DHX32: variants seen among roughly 807,000 people sequenced by gnomAD.
DHX32 encodes DEAH-box helicase 32 (putative).
In DHX32, 51 loss-of-function variants were observed where a neutral mutation model predicts 70.0. The observed-to-expected ratio is 0.73, with a 90% CI of 0.58 to 0.92. The LOEUF (loss-of-function observed/expected upper bound fraction) is 0.92, where lower values mean the gene tolerates loss of function less well. Among genes scored for constraint, DHX32 ranks in the 40% least tolerant of loss-of-function variants. DHX32 has a pLI of 0.00. For missense variants in DHX32, 762 were observed against 891.8 expected, an observed-to-expected ratio of 0.85 and a Z score of 1.85; for synonymous variants, 310 against 315.3, an observed-to-expected ratio of 0.98 and a Z score of 0.18.
At position 125,838,200 on chromosome 10, in the gene DHX32, A is replaced by G. The variant is rs369993092; in HGVS notation, c.2063+6T>C. 8.3e-6 allele frequency: 13 copies of G among 1,574,720 alleles called. No homozygotes were observed. The highest frequency in any genetic ancestry group is 6.0e-6 in the Non-Finnish European group (7 of 1,167,302). On this transcript the variant is annotated splice_donor_region_variant and intron_variant, in intron 10 of 10. Coordinates refer to ENST00000284690, the MANE Select transcript of DHX32 (RefSeq NM_018180.3). ...AATACAACCCTTTCTTCTCCATTAA[A>G]CTTACAGTTCAGGAGAGATTTCTGA...
intron 6 of DHX32, among the ~76,000 whole-genome samples, chr10:125,848,116 A>G (rs756797268): frequency 6.6e-6 from 1 of 152,174 alleles, no homozygotes; most frequent in Admixed American, 6.5e-5. Context: ...TTTCTGATTT[A>G]TTTTAGGGTT....
upstream of DHX32, among the ~76,000 whole-genome samples, chr10:125,881,787 G>A (rs1379115703): frequency 6.6e-6 from 1 of 152,110 alleles, no homozygotes; most frequent in Non-Finnish European, 1.5e-5. Flanking sequence ...GACTACAGGT[G>A]TACACCACTA....
chr10:125,838,486 G>A (rs1042447337), intron 9 of DHX32, 99 bp from the exon 10 acceptor site: 62 of 1,165,166 alleles, frequency 5.3e-5, no homozygotes, highest in Non-Finnish European at 6.9e-5. Context: ...TTTTATACGG[G>A]ATAGTTAAAA....
rs761387659 is a variant in DHX32 at position 125,836,766 on chromosome 10, G to A, written c.2153C>T (p.Ser718Phe). Reference protein sequence around the residue: ...DILQQVVDHLSPVSTMNKEQQ... With the variant: ...DILQQVVDHLFPVSTMNKEQQ... ...TTCCTTATTCATTGTTGACACAGGG[G>A]ATAGGTGATCCACTACTTGCTGTAG... Residue 718 changes from serine (S) to phenylalanine (F), a missense_variant, in exon 11 of 11, where the codon TCC becomes TTC. By Grantham distance (155) the Ser-to-Phe change is radical. Transcript: ENST00000284690. The A allele has an allele frequency of 7.4e-6, 12 of 1,614,148 alleles. No homozygotes were observed. Among genetic ancestry groups the A allele is most frequent in the Non-Finnish European group, 1.0e-5 (12 of 1,180,016 alleles).
chr10:125,878,901 G>C (rs1001373513), intron 1 of DHX32, among the ~76,000 whole-genome samples: 4 of 148,934 alleles, frequency 2.7e-5, no homozygotes, highest in African/African-American at 9.9e-5. Flanking sequence ...GTAGAGTCAG[G>C]GTTTCACCAT....
chr10:125,854,015 C>A lies in DHX32; in HGVS notation c.1038G>T (p.Leu346Phe). 3 of 1,614,054 alleles carry A rather than the reference C, an allele frequency of 1.9e-6. No homozygotes were observed. Among genetic ancestry groups the A allele is most frequent in the Non-Finnish European group, 2.5e-6 (3 of 1,179,992 alleles). Residue 346 changes from leucine (L) to phenylalanine (F), a missense_variant, in exon 4 of 11, where the codon TTG (leucine) becomes TTT (phenylalanine). Around this residue, in one of 3 missense-constraint regions of DHX32, gnomAD observed 394 missense variants for 473.1 expected, o/e 0.83. Transcript: ENST00000284690. ...CAAATCTGACTGAGTTGCTCCAGAT[C>A]AAAAACTCTCCAGAGCTAGTAGTTA... The part of the protein sequence containing the change: ...VVLTTSSGEF[L>F]IWSNSVRFVI...
At position 125,859,646 on chromosome 10, in the gene DHX32, G is replaced by A. The variant is rs201005566; in HGVS notation, c.806C>T (p.Ser269Leu). 524 of 1,608,410 alleles carry A rather than the reference G, an allele frequency of 3.3e-4. No individual in the cohort carries two copies. Among genetic ancestry groups the A allele is most frequent in the Non-Finnish European group, 4.3e-4 (507 of 1,177,846 alleles). Residue 269 changes from serine (S) to leucine (L), a missense_variant, in exon 3 of 11, where the codon TCG (serine) becomes TTG (leucine). Physicochemically the swap from Ser to Leu is moderately radical, Grantham distance 145. Around this residue, in one of 3 missense-constraint regions of DHX32, gnomAD observed 394 missense variants for 473.1 expected, o/e 0.83. Coordinates refer to ENST00000284690, the MANE Select transcript of DHX32 (RefSeq NM_018180.3). ...GACTACAATGTCACCTTTCTCACCC[G>A]AGTGGTGAATTTCAAAGATAAGGCG... ...ILRLIFEIHH[S>L]GEKGDIVVFL...
intron 1 of DHX32, among the ~76,000 whole-genome samples, chr10:125,870,425 A>T (rs547314736): frequency 2.0e-4 from 30 of 152,334 alleles, no homozygotes; most frequent in African/African-American, 6.7e-4. Context: ...GAACCAATCC[A>T]TATCTTCTAG....
rs1944117259 is a variant in DHX32 at position 125,853,394 on chromosome 10, G to A, written c.1092+567C>T. 5 of 440,288 alleles carry A rather than the reference G, an allele frequency of 1.1e-5. No homozygotes were observed. In the East Asian group the frequency reaches 1.4e-4, roughly 12 times the overall value. The allele number at this position is 440,288 out of a possible 1,614,324, so 27.3% of individuals were successfully genotyped here. A position where few individuals can be genotyped will look rare whatever the true frequency, so the allele number is the denominator to read the frequency against. On this transcript the variant is annotated intron_variant, in intron 4 of 10. Transcript: ENST00000284690. ...AGTCTCAGTGTCTTTCAGAGTTTGA[G>A]ATACCTTGTTTTCATTTTTTCTAAT...
At chr10:125,891,252 T>A (rs1944369131) in intron 1 of DHX32, among the ~76,000 whole-genome samples, 1 of 152,254 alleles carries the variant, frequency 6.6e-6, no homozygotes, top group African/African-American at 2.4e-5. Context: ...TGAGATTCAA[T>A]AAAAGCTGAG....
At chr10:125,847,694 A>G (rs972175252) in intron 6 of DHX32, among the ~76,000 whole-genome samples, 7 of 152,220 alleles carry the variant, frequency 4.6e-5, no homozygotes, top group Non-Finnish European at 5.9e-5. Flanking sequence ...TGAAATAATT[A>G]TACAACTCAT....
rs569800136 is a variant in DHX32 at position 125,863,019 on chromosome 10, G to C, written c.477-3044C>G. Among the ~76,000 whole-genome samples, 22 of 152,044 alleles carry C rather than the reference G, an allele frequency of 1.4e-4. No individual in the cohort carries two copies. In the East Asian group the frequency reaches 4.2e-3, roughly 29 times the overall value. On this transcript the variant is annotated intron_variant, in intron 2 of 10. Coordinates refer to ENST00000284690, the MANE Select transcript of DHX32 (RefSeq NM_018180.3). ...CACTACCAAGGTTTCAGGAAATGCA[G>C]TTTATATCTTTAAATTAAGGCTAAA...
Position 125,837,155 on chromosome 10 carries a change from A to G in DHX32, c.2064-300T>C, listed in dbSNP as rs75913208. Reference sequence around the variant, plus strand: ...TATTTCCCCTAAGGCCCATCACCATATAAGAGGCACCAATCGTATGCTTAA... The same window carrying G: ...TATTTCCCCTAAGGCCCATCACCATGTAAGAGGCACCAATCGTATGCTTAA... On this transcript the variant is annotated intron_variant, in intron 10 of 10. Coordinates refer to ENST00000284690, the MANE Select transcript of DHX32 (RefSeq NM_018180.3). Among the ~76,000 whole-genome samples, 1,071 of 152,328 alleles carry G rather than the reference A, an allele frequency of 7.0e-3. 6 individuals carry two copies. Among genetic ancestry groups the G allele is most frequent in the Non-Finnish European group, 0.012 (826 of 68,030 alleles).
Position 125,847,095 on chromosome 10 carries a change from G to A in DHX32, c.1352-5161C>T, listed in dbSNP as rs376792107. 4.6e-5 allele frequency among the ~76,000 whole-genome samples: 7 copies of A among 151,982 alleles called. No individual in the cohort carries two copies. The East Asian group carries it at 5.8e-4, about 13-fold the overall frequency. ...GGCATTGTGTAAAAGAGTCCACAGG[G>A]GGAGACTCTACACATTTGCATAATG... is the stretch of plus-strand genomic sequence containing the variant. On this transcript the variant is annotated intron_variant, in intron 6 of 10. Transcript: ENST00000284690.
chr10:125,853,171 A>G, intron 4 of DHX32: 1 of 1,613,530 alleles, frequency 6.2e-7, no homozygotes, highest in Non-Finnish European at 8.5e-7. Flanking sequence ...TGAAGGCTGG[A>G]CTAATTCAAT....
At position 125,840,837 on chromosome 10, in the gene DHX32, A is replaced by G. The variant is rs547254735; in HGVS notation, c.1693+10T>C. On this transcript the variant is annotated intron_variant, in intron 8 of 10. Coordinates refer to ENST00000284690, the MANE Select transcript of DHX32 (RefSeq NM_018180.3). The stretch of plus-strand genomic sequence containing the variant: ...TGGAATTAATAGGTAGTTTCTGAGC[A>G]TTCACTTACACTCACTGCTAGAATT... 1.9e-6 allele frequency: 3 copies of G among 1,563,740 alleles called. No homozygotes were observed. Among genetic ancestry groups the G allele is most frequent in the East Asian group, 2.3e-5 (1 of 43,808 alleles).
chr10:125,856,240 A>G (rs978781081), intron 3 of DHX32, among the ~76,000 whole-genome samples: 3 of 152,266 alleles, frequency 2.0e-5, no homozygotes, highest in Admixed American at 2.0e-4. Flanking sequence ...CTGAAGGACG[A>G]TATCTAGCAG....
intron 1 of DHX32, among the ~76,000 whole-genome samples, chr10:125,874,640 G>A (rs1780864626): frequency 6.6e-6 from 1 of 152,194 alleles, no homozygotes; most frequent in Admixed American, 6.5e-5. Context: ...GGTAAAGATA[G>A]TGTGAATAAC....
chr10:125,840,544 C>T (rs1163941567), intron 8 of DHX32, among the ~76,000 whole-genome samples: 2 of 152,204 alleles, frequency 1.3e-5, no homozygotes, highest in Non-Finnish European at 2.9e-5. Flanking sequence ...GACCCATGTA[C>T]GAGTCTGTGT....
Sources: gnomAD v4.1 joint callset for allele counts (sites outside exome capture counted in the v4.1 genomes callset) on GRCh38, gnomAD v4.1.1 for gene constraint, gnomAD v4.1.1 regional missense constraint, MANE v1.5 for transcripts, NCBI Gene and HGNC (gene_info 2026-07-23, HGNC 2026-07-21) for gene names.